Variants in AKAP6 observed in about 807,000 individuals in gnomAD.
AKAP6 encodes A-kinase anchor protein 6.
Under a neutral mutation model 188.5 loss-of-function variants are expected in AKAP6, and 58 were observed. The observed-to-expected ratio is 0.31, with a 90% confidence interval of 0.25 to 0.38. The LOEUF (loss-of-function observed/expected upper bound fraction) is 0.38. Among genes scored for constraint, AKAP6 ranks in the 10% least tolerant of loss-of-function variants. The probability of loss-of-function intolerance (pLI) is 1.00; values close to 1 mark genes in which losing one functional copy is unlikely to be tolerated. For synonymous variants in AKAP6, 989 were observed against 998.6 expected (o/e 0.99, Z 0.18); for missense variants, 2,710 against 2,740.0 (o/e 0.99, Z 0.24).
At chr14:32,330,713 A>ATTTTTTTT (rs35147196) in intron 1 of AKAP6, among the ~76,000 whole-genome samples, 3 of 62,408 alleles carry the variant, frequency 4.8e-5, no homozygotes, top group Non-Finnish European at 5.7e-5. Flanking sequence ...GCTTGGAGTG[A>ATTTTTTTT]TTTTTTTTTT....
At chr14:32,803,889 T>G (rs914668549) in intron 12 of AKAP6, among the ~76,000 whole-genome samples, 4 of 152,208 alleles carry the variant, frequency 2.6e-5, no homozygotes, top group African/African-American at 9.6e-5. Flanking sequence ...CAAGGAGAGA[T>G]AGCACAATCT....
chr14:32,780,850 T>C (rs2033228101), intron 12 of AKAP6, among the ~76,000 whole-genome samples: 1 of 152,178 alleles, frequency 6.6e-6, no homozygotes, highest in African/African-American at 2.4e-5. Context: ...AATAGCAATA[T>C]ATTTGGAAAA....
chr14:32,410,754 C>A (rs1281965302), intron 1 of AKAP6, among the ~76,000 whole-genome samples: 1 of 151,818 alleles, frequency 6.6e-6, no homozygotes, highest in Admixed American at 6.6e-5. Context: ...CATAGGTAGA[C>A]CATATTAATA....
chr14:32,428,346 G>A (rs1407825081), intron 1 of AKAP6, among the ~76,000 whole-genome samples: 1 of 152,088 alleles, frequency 6.6e-6, no homozygotes, highest in Non-Finnish European at 1.5e-5. Flanking sequence ...TTATACATTA[G>A]CTTCCAAATA....
At chr14:32,365,285 G>C (rs72666164) in intron 1 of AKAP6, among the ~76,000 whole-genome samples, 59 of 152,324 alleles carry the variant, frequency 3.9e-4, no homozygotes, top group Non-Finnish European at 8.4e-4. Context: ...AGAAAAGGGA[G>C]AGAGATTCTC....
intron 2 of AKAP6, among the ~76,000 whole-genome samples, chr14:32,522,348 T>G (rs1186666872): frequency 2.0e-5 from 3 of 152,002 alleles, no homozygotes; most frequent in Non-Finnish European, 2.9e-5. Context: ...GGGATCTAAT[T>G]AAACTAAAGA....
intron 9 of AKAP6, among the ~76,000 whole-genome samples, chr14:32,717,382 T>C (rs1382942827): frequency 6.6e-6 from 1 of 152,154 alleles, no homozygotes; most frequent in East Asian, 1.9e-4. Flanking sequence ...TAAGACCTTT[T>C]CTCCAGCTGT....
chr14:32,622,648 G>A (rs960157143), intron 7 of AKAP6, among the ~76,000 whole-genome samples: 1 of 152,064 alleles, frequency 6.6e-6, no homozygotes, highest in Non-Finnish European at 1.5e-5. Flanking sequence ...TTGCTAAGAA[G>A]ACAAATAATG....
At chr14:32,624,731 G>T in intron 7 of AKAP6, among the ~76,000 whole-genome samples, 1 of 152,188 alleles carries the variant, frequency 6.6e-6, no homozygotes, top group Admixed American at 6.5e-5. Context: ...AAAATTATGA[G>T]AAGTTATTTT....
At chr14:32,740,256 C>T (rs140167143) in intron 11 of AKAP6, among the ~76,000 whole-genome samples, 26 of 151,918 alleles carry the variant, frequency 1.7e-4, no homozygotes, top group African/African-American at 5.8e-4. Flanking sequence ...GTTTGAGCTC[C>T]TTGTATATTC....
Position 32,546,058 on chromosome 14 carries a change from A to G in AKAP6, c.1405A>G (p.Asn469Asp), listed in dbSNP as rs1412300580. 6.2e-7 allele frequency: 1 copy of G among 1,614,066 alleles called. No individual in the cohort carries two copies. Among genetic ancestry groups the G allele is most frequent in the East Asian group, 2.2e-5 (1 of 44,886 alleles). ...LHKVGNGNLE[N>D]TVKFHIKEIS... is the part of the protein sequence containing the mutation. ...CAAGGTGGGGAATGGGAACCTTGAA[A>G]ACACAGTCAAATTTCACATTAAAGA... Residue 469 changes from asparagine (N) to aspartate (D), a missense_variant, in exon 4 of 14, where the codon AAC (asparagine) becomes GAC (aspartate). By Grantham distance (23) the Asn-to-Asp change is conservative (BLOSUM62 1). Transcript: ENST00000280979.
At chr14:32,460,254 C>T (rs1038582137) in intron 2 of AKAP6, among the ~76,000 whole-genome samples, 2 of 152,040 alleles carry the variant, frequency 1.3e-5, no homozygotes, top group Non-Finnish European at 2.9e-5. Flanking sequence ...ACAAAATTTC[C>T]AGGATAGAGA....
chr14:32,518,451 A>C (rs1176065535), intron 2 of AKAP6, among the ~76,000 whole-genome samples: 1 of 152,210 alleles, frequency 6.6e-6, no homozygotes, highest in Non-Finnish European at 1.5e-5. Context: ...CCTTGAAAAA[A>C]GATTAGACGA....
intron 1 of AKAP6, among the ~76,000 whole-genome samples, chr14:32,365,335 CTG>C (rs1228318743): frequency 1.3e-5 from 2 of 152,022 alleles, no homozygotes; most frequent in Admixed American, 6.5e-5. Context: ...CATTTCCACA[CTG>C]TGTCTTTATG....
chr14:32,752,339 T>A (rs1010990151), intron 11 of AKAP6, among the ~76,000 whole-genome samples: 6 of 152,090 alleles, frequency 3.9e-5, no homozygotes, highest in Admixed American at 3.9e-4. Context: ...AGGAGGGTGG[T>A]CTTGCAGAGC....
intron 11 of AKAP6, among the ~76,000 whole-genome samples, chr14:32,745,796 C>T (rs1473566936): frequency 6.6e-6 from 1 of 152,182 alleles, no homozygotes; most frequent in African/African-American, 2.4e-5. Flanking sequence ...CAAGAGGTGC[C>T]TTCCAGGAGT....
chr14:32,684,461 C>G (rs2139658526), intron 8 of AKAP6, among the ~76,000 whole-genome samples: 1 of 152,240 alleles, frequency 6.6e-6, no homozygotes, highest in East Asian at 1.9e-4. Context: ...TCTCTTAAAG[C>G]TGTAGGTAAA....
intron 12 of AKAP6, among the ~76,000 whole-genome samples, chr14:32,803,809 A>C (rs549268630): frequency 2.6e-5 from 4 of 152,250 alleles, no homozygotes; most frequent in African/African-American, 9.6e-5. Flanking sequence ...GGCATTTCAA[A>C]CTCAGTTTGT....
rs544997334 is a variant in AKAP6 at position 32,769,037 on chromosome 14, ATT to A, written c.3373-4615_3373-4614del. 2.8e-4 allele frequency among the ~76,000 whole-genome samples: 16 copies of A among 56,920 alleles called. No individual in the cohort carries two copies. In the East Asian group the frequency reaches 5.5e-3, roughly 20 times the overall value. 37.3% of individuals were successfully genotyped at this position (56,920 alleles called of 152,430 possible). On this transcript the variant is annotated intron_variant, in intron 11 of 13. Transcript: ENST00000280979. ...ACTAGGGGATGCAGCTGCTCTTTTG[ATT>A]TTTTTTTTTTTTTTTTTTTTTTTTT...
Sources: allele counts gnomAD v4.1 joint callset (sites outside exome capture counted in the v4.1 genomes callset), GRCh38; gene constraint gnomAD v4.1.1; transcripts MANE v1.5; gene names NCBI Gene and HGNC (gene_info 2026-07-23, HGNC 2026-07-21).